The following CRIM1 variants were observed in gnomAD, a reference collection of about 807,000 sequenced individuals.
The protein encoded by CRIM1 is cysteine rich transmembrane BMP regulator 1.
CRIM1 carries 32 observed loss-of-function variants against 116.4 expected under a neutral mutation model. The ratio of observed to expected loss-of-function variants is 0.27; its 90% CI spans 0.21 to 0.37. The LOEUF is 0.37. Among genes scored for constraint, CRIM1 ranks in the 10% least tolerant of loss-of-function variants. CRIM1 has a pLI of 1.00. For synonymous variants in CRIM1, 590 were observed against 509.2 expected, an observed-to-expected ratio of 1.16 and a Z score of -2.13; for missense variants, 1,331 against 1,354.8, an observed-to-expected ratio of 0.98 and a Z score of 0.28.
chr2:36,465,817 C>T (rs1176652013), intron 5 of CRIM1, among the ~76,000 whole-genome samples: 3 of 152,080 alleles, frequency 2.0e-5, no homozygotes, highest in African/African-American at 7.2e-5. Flanking sequence ...GACTGAATAA[C>T]AGTAAATTAA....
intron 5 of CRIM1, among the ~76,000 whole-genome samples, chr2:36,466,861 C>T (rs1229984328): frequency 6.6e-6 from 1 of 152,186 alleles, no homozygotes; most frequent in African/African-American, 2.4e-5. Context: ...AATATCATCT[C>T]TAGTAGAAAG....
chr2:36,471,161 G>C (rs1380300039), intron 5 of CRIM1, among the ~76,000 whole-genome samples: 1 of 152,208 alleles, frequency 6.6e-6, no homozygotes, highest in African/African-American at 2.4e-5. Context: ...AGTTTCTTGA[G>C]ATAGAATCTA....
intron 2 of CRIM1, among the ~76,000 whole-genome samples, chr2:36,414,013 G>C (rs1263090686): frequency 6.6e-6 from 1 of 152,144 alleles, no homozygotes; most frequent in Admixed American, 6.5e-5. Flanking sequence ...TGTTTTCCCT[G>C]CTTTACATCC....
chr2:36,392,449 CT>C (rs111710317), intron 1 of CRIM1, among the ~76,000 whole-genome samples: 56 of 148,338 alleles, frequency 3.8e-4, no homozygotes, highest in Admixed American at 7.4e-4. Context: ...CTGTTTTTAA[CT>C]TTTTTTTTTT....
At chr2:36,441,995 C>T (rs1380101447) in intron 3 of CRIM1, among the ~76,000 whole-genome samples, 3 of 152,190 alleles carry the variant, frequency 2.0e-5, no homozygotes, top group Non-Finnish European at 4.4e-5. Flanking sequence ...CCAATTCCCC[C>T]GCATCTGCCC....
chr2:36,448,541 A>T (rs1156596163), intron 4 of CRIM1, among the ~76,000 whole-genome samples: 1 of 152,248 alleles, frequency 6.6e-6, no homozygotes, highest in African/African-American at 2.4e-5. Flanking sequence ...GACATTAACT[A>T]GTTAAAAATC....
At chr2:36,368,904 G>T (rs1669767740) in intron 1 of CRIM1, among the ~76,000 whole-genome samples, 1 of 152,130 alleles carries the variant, frequency 6.6e-6, no homozygotes, top group African/African-American at 2.4e-5. Context: ...AACATTTTAT[G>T]TTGTACTATG....
At chr2:36,516,924 G>C (rs1558392194) in intron 11 of CRIM1, among the ~76,000 whole-genome samples, 1 of 152,172 alleles carries the variant, frequency 6.6e-6, no homozygotes, top group Non-Finnish European at 1.5e-5. Flanking sequence ...TAACACATGT[G>C]AAGTGCTTAG....
At chr2:36,478,549 G>C (rs537887134) in intron 6 of CRIM1, among the ~76,000 whole-genome samples, 11 of 152,150 alleles carry the variant, frequency 7.2e-5, no homozygotes, top group African/African-American at 2.7e-4. Flanking sequence ...TCCATTGGCC[G>C]CCTCCCTCTC....
chr2:36,451,909 T>C (rs897845476), intron 4 of CRIM1, among the ~76,000 whole-genome samples: 2 of 143,904 alleles, frequency 1.4e-5, no homozygotes, highest in Non-Finnish European at 3.0e-5. Flanking sequence ...GGCCATCAAA[T>C]AATATTTCCT....
At chr2:36,501,479 G>A (rs1680988674) in intron 8 of CRIM1, among the ~76,000 whole-genome samples, 1 of 152,100 alleles carries the variant, frequency 6.6e-6, no homozygotes, top group East Asian at 1.9e-4. Context: ...AGCACTTTGG[G>A]AGGCTAAGGT....
chr2:36,368,081 A>G (rs774337514), intron 1 of CRIM1, among the ~76,000 whole-genome samples: 1 of 152,202 alleles, frequency 6.6e-6, no homozygotes, highest in Non-Finnish European at 1.5e-5. Flanking sequence ...GCAGCAGCCA[A>G]ATTCTCCACA....
chr2:36,369,779 T>C lies in CRIM1; in HGVS notation c.331+13156T>C, dbSNP rs1669829595. ...TGTACTCAGGGTAGTGAACTATTTCTGTAGCATCAGCCACTGGGCCCCTGA... is the reference window on the plus strand; with the variant it reads ...TGTACTCAGGGTAGTGAACTATTTCCGTAGCATCAGCCACTGGGCCCCTGA... On this transcript the variant is annotated intron_variant, in intron 1 of 16. Coordinates refer to ENST00000280527, the MANE Select transcript of CRIM1 (RefSeq NM_016441.3). Among the ~76,000 whole-genome samples the C allele has an allele frequency of 2.0e-5, 3 of 152,224 alleles. No individual in the cohort carries two copies. In the South Asian group the frequency reaches 6.2e-4, roughly 32 times the overall value.
intron 1 of CRIM1, chr2:36,378,806 GTTT>G (rs35770990): frequency 3.4e-5 from 4 of 118,924 alleles, no homozygotes; most frequent in Non-Finnish European, 5.1e-5. Flanking sequence ...GTTGTTTTCG[GTTT>G]TTTTTTTTTT....
At chr2:36,465,314 T>C (rs143436149) in intron 5 of CRIM1, among the ~76,000 whole-genome samples, 1 of 152,242 alleles carries the variant, frequency 6.6e-6, no homozygotes, top group East Asian at 1.9e-4. Flanking sequence ...GTTGATTGAG[T>C]TTAGGTGCTA....
At chr2:36,478,689 C>T (rs983225621) in intron 6 of CRIM1, among the ~76,000 whole-genome samples, 1 of 152,178 alleles carries the variant, frequency 6.6e-6, no homozygotes, top group African/African-American at 2.4e-5. Flanking sequence ...CTGGATTCCT[C>T]TCTCAGCACA....
At chr2:36,432,944 A>G (rs1195313328) in intron 2 of CRIM1, among the ~76,000 whole-genome samples, 1 of 151,994 alleles carries the variant, frequency 6.6e-6, no homozygotes, top group Non-Finnish European at 1.5e-5. Flanking sequence ...CTGGCACTAA[A>G]TTTTCAAACT....
chr2:36,488,937 T>C lies in CRIM1; in HGVS notation c.1372+9243T>C, dbSNP rs540694315. Among the ~76,000 whole-genome samples the C allele has an allele frequency of 2.2e-3, 333 of 152,250 alleles. 1 individual carries two copies. Among genetic ancestry groups the C allele is most frequent in the Middle Eastern group, 6.8e-3 (2 of 294 alleles). The stretch of plus-strand genomic sequence containing the variant: ...GCTGCCGGAGCAAACCGAGAGTTGA[T>C]TTGCAAGCCACCGCTCGACCAGCAC... On this transcript the variant is annotated intron_variant, in intron 7 of 16. Transcript: ENST00000280527.
At chr2:36,400,001 AT>A (rs1391812358) in intron 2 of CRIM1, among the ~76,000 whole-genome samples, 1 of 152,074 alleles carries the variant, frequency 6.6e-6, no homozygotes, top group Admixed American at 6.5e-5. Context: ...CAGTTGCGTG[AT>A]TTTCTCTAGT....
Sources: allele counts gnomAD v4.1 joint callset (sites outside exome capture counted in the v4.1 genomes callset), GRCh38; gene constraint gnomAD v4.1.1; transcripts MANE v1.5; gene names NCBI Gene and HGNC (gene_info 2026-07-23, HGNC 2026-07-21).